CAT: variants seen among roughly 807,000 people sequenced by gnomAD.
CAT encodes the protein catalase.
A neutral mutation model predicts 59.0 loss-of-function variants in CAT; 43 were observed. The ratio of observed to expected loss-of-function variants is 0.73; its 90% CI spans 0.57 to 0.94. The LOEUF is 0.94. Among genes scored for constraint, CAT ranks in the 40% least tolerant of loss-of-function variants. CAT has a pLI of 0.00. For synonymous variants in CAT, 218 were observed against 230.9 expected, an observed-to-expected ratio of 0.94 and a Z score of 0.51; for missense variants, 664 against 682.9, an observed-to-expected ratio of 0.97 and a Z score of 0.31.
intron 6 of CAT, among the ~76,000 whole-genome samples, chr11:34,454,492 C>G (rs1856566284): frequency 6.6e-6 from 1 of 152,180 alleles, no homozygotes; most frequent in Non-Finnish European, 1.5e-5. Flanking sequence ...GCCTGAGAAC[C>G]TCTGTTTCCA....
intron 8 of CAT, chr11:34,460,761 T>A (rs1055981): frequency 0.026 from 6,315 of 240,908 alleles, 397 homozygotes; most frequent in African/African-American, 0.13. Context: ...CAGTTGGAAG[T>A]GCTTATTTGA....
rs762895796 is a variant in CAT, at chr11:34,453,107, C to T, written c.498C>T (p.His166=). 3 of 1,609,968 alleles carry T rather than the reference C, an allele frequency of 1.9e-6. No homozygotes were observed. In the Admixed American group the frequency reaches 5.0e-5, roughly 27 times the overall value. The change falls in exon 5 of 13, where the codon CAC becomes CAT. Residue 166 remains histidine (H), a synonymous_variant. Coordinates refer to ENST00000241052, the MANE Select transcript of CAT (RefSeq NM_001752.4). ...CTATTTAGTTTCCATCTTTTATCCA[C>T]AGCCAAAAGAGAAATCCTCAGACAC... ...RDPILFPSFI[H]SQKRNPQTHL... is the part of the protein sequence containing the mutation.
intron 1 of CAT, among the ~76,000 whole-genome samples, chr11:34,443,647 TC>T (rs1193253871): frequency 6.6e-6 from 1 of 152,130 alleles, no homozygotes; most frequent in Non-Finnish European, 1.5e-5. Flanking sequence ...ATAAGTAGCC[TC>T]TGATCCCTTT....
At chr11:34,445,495 CAAAAAAAAAAAAA>C (rs58169234) in intron 1 of CAT, among the ~76,000 whole-genome samples, 3 of 36,340 alleles carry the variant, frequency 8.3e-5, no homozygotes, top group African/African-American at 2.5e-4. Flanking sequence ...GACTCCATCT[CAAAAAAAAAAAAA>C]AAAAAAAAAA....
In CAT at chr11:34,461,244, A is replaced by C; in HGVS notation, c.1057-7A>C. 1 of 1,614,070 alleles carries C rather than the reference A, an allele frequency of 6.2e-7. No individual in the cohort carries two copies. The highest frequency in any genetic ancestry group is 8.5e-7 in the Non-Finnish European group (1 of 1,179,896). ...CTAGTCAGTGTCTATTGTATTTATTACTGCAGGGCCGCCTTTTTGCCTATC... is the reference window on the plus strand; with the variant it reads ...CTAGTCAGTGTCTATTGTATTTATTCCTGCAGGGCCGCCTTTTTGCCTATC... On this transcript the variant is annotated splice_polypyrimidine_tract_variant and splice_region_variant and intron_variant, in intron 8 of 12. Coordinates refer to ENST00000241052, the MANE Select transcript of CAT (RefSeq NM_001752.4).
At chr11:34,465,024 C>T (rs1856697893) in intron 10 of CAT, among the ~76,000 whole-genome samples, 1 of 152,156 alleles carries the variant, frequency 6.6e-6, no homozygotes. Flanking sequence ...CCTATGGCTG[C>T]CCTAAGAGCT....
At chr11:34,458,973 A>G (rs996140433) in intron 8 of CAT, among the ~76,000 whole-genome samples, 2 of 152,164 alleles carry the variant, frequency 1.3e-5, no homozygotes, top group African/African-American at 4.8e-5. Context: ...TCTGGCAAAT[A>G]TATCTATTTT....
chr11:34,465,874 A>G (rs1856709366), intron 10 of CAT, among the ~76,000 whole-genome samples: 1 of 152,252 alleles, frequency 6.6e-6, no homozygotes. Flanking sequence ...CTAACAAAGC[A>G]ACAAGGATTT....
chr11:34,461,810 T>C (rs941158817), intron 9 of CAT, among the ~76,000 whole-genome samples: 3 of 152,200 alleles, frequency 2.0e-5, no homozygotes, highest in African/African-American at 7.2e-5. Context: ...AGTTGGAGTC[T>C]TCTGTTTCTC....
In CAT at chr11:34,471,052, A is replaced by G; in HGVS notation, c.1518+11A>G. ...GCTGAGAAGCCTAAGGTAAGCTGGG[A>G]GCAGCCTGGCCATGCAGAGGCTGTG... On this transcript the variant is annotated intron_variant, in intron 12 of 12. Coordinates refer to ENST00000241052, the MANE Select transcript of CAT (RefSeq NM_001752.4). 1 of 1,612,550 alleles carries G rather than the reference A, an allele frequency of 6.2e-7. No individual in the cohort carries two copies. Among genetic ancestry groups the G allele is most frequent in the Non-Finnish European group, 8.5e-7 (1 of 1,178,510 alleles).
In CAT at chr11:34,466,780, C is replaced by CAAAAA. The variant is rs71457350; in HGVS notation, c.1327-1488_1327-1484dup. On this transcript the variant is annotated intron_variant, in intron 10 of 12. Coordinates refer to ENST00000241052, the MANE Select transcript of CAT (RefSeq NM_001752.4). The stretch of plus-strand genomic sequence containing the variant: ...TGGGCGACAGAGCGAGACTCCGTCT[C>CAAAAA]AAAAAAAAAAAAAAAAAAAAAAAAG... 4.6e-3 allele frequency among the ~76,000 whole-genome samples: 189 copies of CAAAAA among 41,074 alleles called. 10 individuals carry two copies. Among genetic ancestry groups the CAAAAA allele is most frequent in the African/African-American group, 0.012 (165 of 13,966 alleles). The allele number at this position is 41,074 out of a possible 152,430, so 26.9% of individuals were successfully genotyped here.
At chr11:34,456,513 A>G in intron 7 of CAT, 152 bp from the exon 8 acceptor site, 1 of 783,974 alleles carries the variant, frequency 1.3e-6, no homozygotes, top group Non-Finnish European at 2.2e-6. Flanking sequence ...TGAAAGATTT[A>G]ACTAAGGCAC....
chr11:34,461,526 A>G (rs1377836830), intron 9 of CAT, 137 bp downstream of exon 9: 2 of 993,808 alleles, frequency 2.0e-6, no homozygotes, highest in Non-Finnish European at 3.1e-6. Flanking sequence ...AGGTGCTGCT[A>G]ACTGGGCGCT....
intron 3 of CAT, 131 bp from the exon 4 acceptor site, chr11:34,451,946 C>A: frequency 3.5e-6 from 3 of 858,224 alleles, no homozygotes; most frequent in South Asian, 1.4e-5. Flanking sequence ...ATAACCCGGG[C>A]ACTTAAATAC....
In CAT at chr11:34,442,291, T is replaced by C. The variant is rs139562091; in HGVS notation, c.66+3212T>C. On this transcript the variant is annotated intron_variant, in intron 1 of 12. Coordinates refer to ENST00000241052, the MANE Select transcript of CAT (RefSeq NM_001752.4). ...TGTTATAATAATAAATCTCAACATG[T>C]ATCATGGTATAAACATATTAGAAAT... is the stretch of plus-strand genomic sequence containing the variant. Among the ~76,000 whole-genome samples the C allele has an allele frequency of 8.2e-3, 1,256 of 152,328 alleles. 10 individuals carry two copies. The highest frequency in any genetic ancestry group is 0.012 in the Non-Finnish European group (834 of 68,024).
chr11:34,461,059 A>G (rs1856643936), intron 8 of CAT, 192 bp from the exon 9 acceptor site: 1 of 694,984 alleles, frequency 1.4e-6, no homozygotes, highest in South Asian at 1.6e-5. Context: ...TGGGAAATTC[A>G]GAACTGTTCA....
chr11:34,458,854 T>G (rs560449573), intron 8 of CAT, among the ~76,000 whole-genome samples: 8 of 152,326 alleles, frequency 5.3e-5, no homozygotes, highest in African/African-American at 1.9e-4. Flanking sequence ...TTCTCTACAT[T>G]CCTAAGAAAG....
At position 34,468,359 on chromosome 11, in the gene CAT, C is replaced by A; in HGVS notation, c.1398C>A (p.His466Gln). 1 of 1,614,018 alleles carries A rather than the reference C, an allele frequency of 6.2e-7. No individual in the cohort carries two copies. The highest frequency in any genetic ancestry group is 8.5e-7 in the Non-Finnish European group (1 of 1,179,960). ...GTCTGTGTGAGAACATTGCCGGCCA[C>A]CTGAAGGATGCACAAATTTTCATCC... ...RKRLCENIAGHLKDAQIFIQK... is the reference protein window; with the variant it reads ...RKRLCENIAGQLKDAQIFIQK... The change falls in exon 11 of 13, where the codon CAC (histidine) becomes CAA (glutamine). Residue 466 changes from histidine (H) to glutamine (Q), a missense_variant. His to Gln is a conservative substitution (Grantham distance 24). Coordinates refer to ENST00000241052, the MANE Select transcript of CAT (RefSeq NM_001752.4).
chr11:34,456,264 A>G, intron 7 of CAT, 62 bp downstream of exon 7: 1 of 1,269,214 alleles, frequency 7.9e-7, no homozygotes, highest in Non-Finnish European at 1.1e-6. Context: ...AATTAGAAAA[A>G]AAATCTAGTC....
Sources: allele counts gnomAD v4.1 joint callset (sites outside exome capture counted in the v4.1 genomes callset), GRCh38; gene constraint gnomAD v4.1.1; transcripts MANE v1.5; gene names NCBI Gene and HGNC (gene_info 2026-07-23, HGNC 2026-07-21).